MCM9: variants seen among roughly 807,000 people sequenced by gnomAD.
MCM9 encodes minichromosome maintenance 9 homologous recombination repair factor, also known as DNA helicase MCM9.
Under a neutral mutation model 72.8 loss-of-function variants are expected in MCM9, and 55 were observed. The ratio of observed to expected loss-of-function variants is 0.76; its 90% CI spans 0.61 to 0.95. The LOEUF is 0.95. Among genes scored for constraint, MCM9 ranks in the 40% least tolerant of loss-of-function variants. MCM9 has a pLI of 0.00. For synonymous variants in MCM9, 480 were observed against 503.4 expected (o/e 0.95, Z 0.62); for missense variants, 1,279 against 1,377.0 (o/e 0.93, Z 1.13).
intron 9 of MCM9, among the ~76,000 whole-genome samples, chr6:118,846,786 G>A (rs36182456): frequency 0.73 from 110,006 of 151,588 alleles, 41,354 homozygotes; most frequent in South Asian, 0.83. Context: ...CTAAAAATTA[G>A]TATACCATCC....
chr6:118,935,030 G>T lies in MCM9; in HGVS notation c.-289C>A, dbSNP rs1468664565. Reference sequence around the variant, plus strand: ...GCGCGTGCACGTGGCCGCTCGAGGCGCCACCGGCCGCGGGGACGCGCGGGC... The same window carrying T: ...GCGCGTGCACGTGGCCGCTCGAGGCTCCACCGGCCGCGGGGACGCGCGGGC... On this transcript the variant is annotated 5_prime_UTR_variant, in exon 1 of 14. Transcript: ENST00000619706. 6.6e-6 allele frequency: 1 copy of T among 152,026 alleles called. No homozygotes were observed. Among genetic ancestry groups the T allele is most frequent in the African/African-American group, 2.4e-5 (1 of 41,402 alleles). 9.4% of individuals were successfully genotyped at this position (152,026 alleles called of 1,614,324 possible).
intron 8 of MCM9, among the ~76,000 whole-genome samples, chr6:118,860,144 T>C (rs1411182844): frequency 1.3e-5 from 2 of 152,052 alleles, no homozygotes; most frequent in Non-Finnish European, 2.9e-5. Flanking sequence ...AGAACAAGCA[T>C]CAAAATCGGA....
chr6:118,894,647 G>A (rs375785473), intron 8 of MCM9: 14 of 832,308 alleles, frequency 1.7e-5, no homozygotes, highest in African/African-American at 7.0e-5. Flanking sequence ...GCTCTGCGGA[G>A]GGAAACTTGA....
At chr6:118,856,229 C>T in intron 9 of MCM9, 142 bp downstream of exon 9, 1 of 721,952 alleles carries the variant, frequency 1.4e-6, no homozygotes, top group Non-Finnish European at 2.1e-6. Context: ...TAAGGAAAAA[C>T]TCTAATGTGT....
chr6:118,829,253 G>A lies in MCM9; in HGVS notation c.1326-3C>T. 1 of 1,547,308 alleles carries A rather than the reference G, an allele frequency of 6.5e-7. No individual in the cohort carries two copies. Among genetic ancestry groups the A allele is most frequent in the Non-Finnish European group, 8.7e-7 (1 of 1,144,252 alleles). On this transcript the variant is annotated splice_polypyrimidine_tract_variant and splice_region_variant and intron_variant, in intron 9 of 13. Coordinates refer to ENST00000619706, the MANE Select transcript of MCM9 (RefSeq NM_017696.3). ...TTGTGTTCAGCTTGCACACGAGGCT[G>A]CCAGGAGAGACAGTACAATTCACTG...
At chr6:118,846,535 G>A (rs1363168095) in intron 9 of MCM9, among the ~76,000 whole-genome samples, 1 of 151,812 alleles carries the variant, frequency 6.6e-6, no homozygotes, top group East Asian at 1.9e-4. Flanking sequence ...AGAATAGACA[G>A]AGGGGCCTGA....
At chr6:118,928,739 C>CT (rs1443897372) in intron 3 of MCM9, among the ~76,000 whole-genome samples, 1 of 151,278 alleles carries the variant, frequency 6.6e-6, no homozygotes, top group African/African-American at 2.4e-5. Context: ...GTAGTCCCAG[C>CT]TACCCAGGAG....
chr6:118,832,453 T>C (rs527442903), intron 9 of MCM9, among the ~76,000 whole-genome samples: 1 of 152,244 alleles, frequency 6.6e-6, no homozygotes, highest in Non-Finnish European at 1.5e-5. Flanking sequence ...AAATGCTTAA[T>C]AAATGTACAT....
chr6:118,923,456 A>G (rs1399360668), intron 4 of MCM9, among the ~76,000 whole-genome samples: 1 of 152,096 alleles, frequency 6.6e-6, no homozygotes, highest in Non-Finnish European at 1.5e-5. Flanking sequence ...GGCCACTCCA[A>G]TGTTTAACCA....
intron 9 of MCM9, among the ~76,000 whole-genome samples, chr6:118,840,081 T>C (rs1450495286): frequency 6.6e-6 from 1 of 152,162 alleles, no homozygotes; most frequent in African/African-American, 2.4e-5. Flanking sequence ...TATAAGCCCC[T>C]GACTGGGGCT....
intron 9 of MCM9, among the ~76,000 whole-genome samples, 194 bp downstream of exon 9, chr6:118,856,177 C>G (rs923086113): frequency 1.3e-5 from 2 of 152,080 alleles, no homozygotes; most frequent in African/African-American, 2.4e-5. Context: ...TTCTCTTTCC[C>G]AATAGCTCAT....
chr6:118,841,858 G>A (rs1478776302), intron 9 of MCM9, among the ~76,000 whole-genome samples: 3 of 140,002 alleles, frequency 2.1e-5, no homozygotes, highest in South Asian at 2.3e-4. Flanking sequence ...TTTTTGACAC[G>A]GAGTCTCGCT....
At chr6:118,861,521 C>A (rs1463445758) in intron 8 of MCM9, among the ~76,000 whole-genome samples, 1 of 152,194 alleles carries the variant, frequency 6.6e-6, no homozygotes, top group Non-Finnish European at 1.5e-5. Context: ...TGGAGAGGAG[C>A]TTCATGAGTT....
chr6:118,893,818 G>C (rs1779115147), intron 8 of MCM9, among the ~76,000 whole-genome samples: 1 of 148,488 alleles, frequency 6.7e-6, no homozygotes, highest in African/African-American at 2.5e-5. Flanking sequence ...GATGTAAAAA[G>C]AGCGTTAAAT....
chr6:118,827,760 C>T (rs1475463624), intron 11 of MCM9, among the ~76,000 whole-genome samples, 167 bp downstream of exon 11: 5 of 152,118 alleles, frequency 3.3e-5, no homozygotes. Context: ...CATAATCTGT[C>T]CTCAGAGGAG....
intron 6 of MCM9, among the ~76,000 whole-genome samples, chr6:118,915,851 T>C (rs1482115234): frequency 2.6e-5 from 4 of 152,198 alleles, no homozygotes; most frequent in Non-Finnish European, 4.4e-5. Context: ...TTTTATCCAA[T>C]AAATGGCTCA....
intron 6 of MCM9, among the ~76,000 whole-genome samples, chr6:118,914,003 A>C (rs143104413): frequency 0.01 from 1,589 of 152,314 alleles, 30 homozygotes; most frequent in African/African-American, 0.036. Context: ...CAGATCATAC[A>C]AGTCAGTAAT....
chr6:118,842,021 G>A (rs1775406368), intron 9 of MCM9, among the ~76,000 whole-genome samples: 1 of 152,128 alleles, frequency 6.6e-6, no homozygotes, highest in Admixed American at 6.5e-5. Flanking sequence ...TTTTAGTAGA[G>A]ATGGGGTTTC....
intron 8 of MCM9, among the ~76,000 whole-genome samples, chr6:118,910,278 A>G (rs1780450034): frequency 6.6e-6 from 1 of 151,930 alleles, no homozygotes; most frequent in Non-Finnish European, 1.5e-5. Flanking sequence ...ATTGACTTTT[A>G]TGACTCTAAT....
Sources: allele counts gnomAD v4.1 joint callset (sites outside exome capture counted in the v4.1 genomes callset), GRCh38; gene constraint gnomAD v4.1.1; transcripts MANE v1.5; gene names NCBI Gene and HGNC (gene_info 2026-07-23, HGNC 2026-07-21).